DGKZ: variants seen among roughly 807,000 people sequenced by gnomAD.
The protein encoded by DGKZ is DAG kinase zeta.
In DGKZ, 45 loss-of-function variants were observed where a neutral mutation model predicts 142.5. That is an observed-to-expected ratio of 0.32 (90% CI 0.25 to 0.40). DGKZ has a LOEUF of 0.40. Among genes scored for constraint, DGKZ ranks in the 10% least tolerant of loss-of-function variants. The pLI is 1.00. For synonymous variants in DGKZ, 442 were observed against 527.0 expected, an observed-to-expected ratio of 0.84 and a Z score of 2.21; for missense variants, 755 against 1,306.5, an observed-to-expected ratio of 0.58 and a Z score of 6.51.
In DGKZ at chr11:46,378,518, C is replaced by A; in HGVS notation, c.2418+18C>A. On this transcript the variant is annotated intron_variant, in intron 27 of 30. Transcript: ENST00000527911. ...TCTGTAAGGTACTAGCTCCAGGCTC[C>A]AGTTCCTTCCCCCAGCAGCTCCCTC... The A allele has an allele frequency of 6.2e-7, 1 of 1,613,052 alleles. No individual in the cohort carries two copies. The highest frequency in any genetic ancestry group is 8.5e-7 in the Non-Finnish European group (1 of 1,179,920).
chr11:46,371,453 G>C, intron 7 of DGKZ, 34 bp from the exon 8 acceptor site: 1 of 1,604,350 alleles, frequency 6.2e-7, no homozygotes, highest in Non-Finnish European at 8.5e-7. Context: ...GTCTGAACAC[G>C]GTCCCGCTGA....
At chr11:46,357,548 C>T (rs1942171954) in intron 1 of DGKZ, among the ~76,000 whole-genome samples, 1 of 152,254 alleles carries the variant, frequency 6.6e-6, no homozygotes, top group African/African-American at 2.4e-5. Flanking sequence ...TTTCTCCTCC[C>T]TTAAGGTGCT....
chr11:46,341,033 A>T (rs1940252652), intron 1 of DGKZ, among the ~76,000 whole-genome samples: 1 of 152,232 alleles, frequency 6.6e-6, no homozygotes, highest in Non-Finnish European at 1.5e-5. Context: ...TTGTAATCCC[A>T]GCTACTTAGG....
At position 46,372,409 on chromosome 11, in the gene DGKZ, G is replaced by A. The variant is rs995362439; in HGVS notation, c.928-19G>A. ...TCCCACCACTGCCTGACTGTCTCTT[G>A]GCTCCCCATCCCATCCAGGGTGCAA... On this transcript the variant is annotated intron_variant, in intron 10 of 30. Coordinates refer to ENST00000527911, the Ensembl canonical transcript of DGKZ. This position sits in a 1 kb window ranked among gnomAD's most constrained non-coding sequence, Gnocchi z 5.9. 6.2e-7 allele frequency: 1 copy of A among 1,613,542 alleles called. No individual in the cohort carries two copies. The highest frequency in any genetic ancestry group is 8.5e-7 in the Non-Finnish European group (1 of 1,179,704).
At chr11:46,377,296 C>T in intron 25 of DGKZ, 84 bp downstream of exon 25, 2 of 1,476,646 alleles carry the variant, frequency 1.4e-6, no homozygotes, top group Non-Finnish European at 1.8e-6. Flanking sequence ...TGCTTCTAGC[C>T]CCTCCACCAG....
At chr11:46,362,229 C>G (rs1024717404) in intron 1 of DGKZ, among the ~76,000 whole-genome samples, 1 of 152,162 alleles carries the variant, frequency 6.6e-6, no homozygotes, top group African/African-American at 2.4e-5. Flanking sequence ...AGAAGGCGGA[C>G]GAGGCCCTGC....
chr11:46,355,304 T>C (rs1941874932), intron 1 of DGKZ, among the ~76,000 whole-genome samples: 1 of 151,588 alleles, frequency 6.6e-6, no homozygotes, highest in East Asian at 1.9e-4. Context: ...GAGACGGGGT[T>C]TCGCCATGTT....
At chr11:46,345,344 C>A, upstream of DGKZ, 1 of 1,389,228 alleles carries the variant, frequency 7.2e-7, no homozygotes, top group South Asian at 1.7e-5. The surrounding 1 kb of genome is among the most constrained non-coding windows in gnomAD (Gnocchi z 4.1). Flanking sequence ...CGGCCTCTAG[C>A]AGGCCCCCCC....
At chr11:46,371,514 C>G (rs1314995967) in exon 8 of DGKZ, 1 of 1,608,632 alleles carries the variant, frequency 6.2e-7, no homozygotes, top group South Asian at 1.1e-5. Flanking sequence ...CTGCTTCATG[C>G]TGCAGCAGAT....
chr11:46,372,187 CT>C lies in DGKZ; in HGVS notation c.927+18del. 6.3e-7 allele frequency: 1 copy of C among 1,592,062 alleles called. No individual in the cohort carries two copies. Among genetic ancestry groups the C allele is most frequent in the Admixed American group, 1.7e-5 (1 of 58,278 alleles). On this transcript the variant is annotated intron_variant, in intron 10 of 30. Transcript: ENST00000527911. This position sits in a 1 kb window ranked among gnomAD's most constrained non-coding sequence, Gnocchi z 5.9. ...GGCAACCAGGTGAACGCGGCCTTGC[CT>C]CTCAGCTAAGGGCTCGGGCGGGGGT...
intron 1 of DGKZ, among the ~76,000 whole-genome samples, chr11:46,359,884 C>T (rs1260390160): frequency 1.3e-5 from 2 of 151,672 alleles, no homozygotes; most frequent in African/African-American, 4.9e-5. Context: ...TCCCAAAATG[C>T]TGGGATTACA....
At chr11:46,375,329 C>A in intron 19 of DGKZ, 103 bp from the exon 20 acceptor site, 1 of 1,353,312 alleles carries the variant, frequency 7.4e-7, no homozygotes, top group South Asian at 1.4e-5. Flanking sequence ...GTCACTCTCA[C>A]CTTTGTTCTC....
chr11:46,348,187 C>T (rs1028476271), intron 1 of DGKZ, among the ~76,000 whole-genome samples: 4 of 152,198 alleles, frequency 2.6e-5, no homozygotes, highest in Admixed American at 6.5e-5. Context: ...GGACTGGTCA[C>T]CCACGCCTTC....
At position 46,372,725 on chromosome 11, in the gene DGKZ, C is replaced by T. The variant is rs1232618345; in HGVS notation, c.1072-46C>T. 6.2e-7 allele frequency: 1 copy of T among 1,611,360 alleles called. No homozygotes were observed. Among genetic ancestry groups the T allele is most frequent in the Non-Finnish European group, 8.5e-7 (1 of 1,178,862 alleles). ...CCGAGCACCAGGGCTGGGCCTGAAG[C>T]CGGGGTCCCTGTGGGCCTGATTTGC... On this transcript the variant is annotated intron_variant, in intron 12 of 30. Transcript: ENST00000527911. This position sits in a 1 kb window ranked among gnomAD's most constrained non-coding sequence, Gnocchi z 5.9.
rs368913796 is a variant in DGKZ, at chr11:46,377,206, C to T, written c.2336C>T (p.Thr779Met). 151 of 1,594,020 alleles carry T rather than the reference C, an allele frequency of 9.5e-5. No homozygotes were observed. The highest frequency in any genetic ancestry group is 1.2e-4 in the Non-Finnish European group (135 of 1,169,420). ...CTCCCCACCTCACCCTGCTCACCCA[C>T]GCCCCGGTGAGTCCTGGTGTCCCGT... The change falls in exon 25 of 31, where the codon ACG becomes ATG. Residue 779 changes from threonine (T) to methionine (M), a missense_variant. By Grantham distance (81) the Thr-to-Met change is moderately conservative. Transcript: ENST00000527911.
chr11:46,365,226 G>A (rs529019426), intron 1 of DGKZ: 33 of 985,410 alleles, frequency 3.3e-5, no homozygotes, highest in Admixed American at 6.1e-5. Flanking sequence ...GCTGTGCAGC[G>A]TTTGGAATTG....
Position 46,366,123 on chromosome 11 carries a change from T to C in DGKZ, c.162-1168T>C. Reference sequence around the variant, plus strand: ...GCTTCCCTTCTCATGGGGCAGAGGCTGTGAATGGGCTCCTGGTTGCTTCCC... The same window carrying C: ...GCTTCCCTTCTCATGGGGCAGAGGCCGTGAATGGGCTCCTGGTTGCTTCCC... On this transcript the variant is annotated intron_variant, in intron 1 of 30. Transcript: ENST00000527911. 2.1e-6 allele frequency: 3 copies of C among 1,399,226 alleles called. No homozygotes were observed. The African/African-American group carries it at 4.6e-5, about 21-fold the overall frequency. The allele number at this position is 1,399,226 out of a possible 1,614,324, so 86.7% of individuals were successfully genotyped here. A position where few individuals can be genotyped will look rare whatever the true frequency, so the allele number is the denominator to read the frequency against.
rs765430319 is a variant in DGKZ, at chr11:46,367,254, T to A, written c.162-37T>A. On this transcript the variant is annotated intron_variant, in intron 1 of 30. Coordinates refer to ENST00000527911, the Ensembl canonical transcript of DGKZ. The surrounding 1 kb of genome is among the most constrained non-coding windows in gnomAD (Gnocchi z 4.1). ...GGTGGGAGGAAGTAGGGTCAGCAAGTGCTCAGCCCCCTCCTCAGCTGTCTT... is the reference window on the plus strand; with the variant it reads ...GGTGGGAGGAAGTAGGGTCAGCAAGAGCTCAGCCCCCTCCTCAGCTGTCTT... 6.4e-7 allele frequency: 1 copy of A among 1,571,786 alleles called. No homozygotes were observed. Among genetic ancestry groups the A allele is most frequent in the Non-Finnish European group, 8.7e-7 (1 of 1,147,178 alleles).
At chr11:46,360,494 A>G (rs890175169) in intron 1 of DGKZ, among the ~76,000 whole-genome samples, 3 of 151,872 alleles carry the variant, frequency 2.0e-5, no homozygotes, top group Non-Finnish European at 4.4e-5. Context: ...TCATCAAAAA[A>G]AAAAAAAAAA....
Sources: allele counts gnomAD v4.1 joint callset (sites outside exome capture counted in the v4.1 genomes callset), GRCh38; gene constraint gnomAD v4.1.1; non-coding constraint Gnocchi (gnomAD v3.1); transcripts MANE v1.5; gene names NCBI Gene and HGNC (gene_info 2026-07-23, HGNC 2026-07-21).